Variants in ZMYM5 observed in about 807,000 individuals in gnomAD.
ZMYM5 encodes the protein zinc finger MYM-type protein 5.
ZMYM5 carries 41 observed loss-of-function variants against 61.8 expected under a neutral mutation model. The observed-to-expected ratio is 0.66, with a 90% CI of 0.52 to 0.86. The LOEUF (loss-of-function observed/expected upper bound fraction) is 0.86. ZMYM5 is among the 40% of genes least tolerant of loss of function. ZMYM5 has a pLI of 0.00. For missense variants in ZMYM5, 706 were observed against 786.7 expected (o/e 0.90, Z 1.23); for synonymous variants, 257 against 276.4 (o/e 0.93, Z 0.70).
At chr13:19,829,096 C>G (rs1001441847) in intron 7 of ZMYM5, among the ~76,000 whole-genome samples, 1 of 151,822 alleles carries the variant, frequency 6.6e-6, no homozygotes. Flanking sequence ...AGGGAGAGAC[C>G]CTGTCTCCAA....
rs199923552 is a variant in ZMYM5 at position 19,827,232 on chromosome 13, CA to C, written c.1252-1998del. 1.3e-3 allele frequency among the ~76,000 whole-genome samples: 196 copies of C among 152,236 alleles called. 2 individuals are homozygous for C. The East Asian group carries it at 0.031, about 24-fold the overall frequency. ...TAATGTGAAAGTCACTAAAATTTAACAGCAATTAACTTTAATGGTGAAATTT... is the reference window on the plus strand; with the variant it reads ...TAATGTGAAAGTCACTAAAATTTAACGCAATTAACTTTAATGGTGAAATTT... On this transcript the variant is annotated intron_variant, in intron 7 of 7. Coordinates refer to ENST00000337963, the MANE Select transcript of ZMYM5 (RefSeq NM_001142684.2).
Position 19,843,441 on chromosome 13 carries a change from T to C in ZMYM5, c.587-4456A>G, listed in dbSNP as rs1023098032. 7 of 151,208 alleles carry C rather than the reference T, an allele frequency of 4.6e-5. 1 individual carries two copies. The South Asian group carries it at 6.3e-4, about 14-fold the overall frequency. The allele number at this position is 151,208 out of a possible 1,614,324, so 9.4% of individuals were successfully genotyped here. ...TAGTTTCCATGAAAGAGCTTTTATT[T>C]ATATAAGATGGAATTCATGCTTATA... On this transcript the variant is annotated intron_variant, in intron 4 of 7. Transcript: ENST00000337963.
chr13:19,843,528 A>T (rs1305304326), intron 4 of ZMYM5: 1 of 152,080 alleles, frequency 6.6e-6, no homozygotes, highest in Non-Finnish European at 1.5e-5. Flanking sequence ...GTATTATAAA[A>T]CAAATAAAGA....
intron 4 of ZMYM5, among the ~76,000 whole-genome samples, chr13:19,847,585 A>G (rs1953120867): frequency 6.6e-6 from 1 of 152,104 alleles, no homozygotes; most frequent in Non-Finnish European, 1.5e-5. Flanking sequence ...TTTCATTACA[A>G]ATGTTATTTA....
intron 6 of ZMYM5, among the ~76,000 whole-genome samples, chr13:19,836,071 G>A (rs781142605): frequency 5.3e-5 from 8 of 152,098 alleles, no homozygotes; most frequent in Non-Finnish European, 8.8e-5. Context: ...TGATCTGCCC[G>A]CCTTGGCCTC....
At position 19,851,764 on chromosome 13, in the gene ZMYM5, G is replaced by A. The variant is rs146800619; in HGVS notation, c.417C>T (p.Ile139=). The change falls in exon 3 of 8, where the codon ATC becomes ATT. Residue 139 remains isoleucine, a synonymous_variant. Transcript: ENST00000337963. ...TTTTAGTTCCAGGAAGTCCCCATTC[G>A]ATAAAACAGGAAGACTTTTTCTCTG... The part of the protein sequence containing the change: ...GGAEKKSSCF[I]EWGLPGTKNK... The A allele has an allele frequency of 4.5e-5, 72 of 1,602,590 alleles. No homozygotes were observed. The highest frequency in any genetic ancestry group is 1.7e-4 in the Middle Eastern group (1 of 6,000).
At chr13:19,847,729 C>T (rs1267245422) in intron 4 of ZMYM5, among the ~76,000 whole-genome samples, 1 of 146,342 alleles carries the variant, frequency 6.8e-6, no homozygotes, top group Non-Finnish European at 1.5e-5. Flanking sequence ...TGCAACCTCC[C>T]GGGTTCAGGT....
chr13:19,852,194 T>C lies in ZMYM5; in HGVS notation c.-10-4A>G, dbSNP rs1335694778. 1.2e-5 allele frequency: 19 copies of C among 1,539,664 alleles called. No homozygotes were observed. Among genetic ancestry groups the C allele is most frequent in the Middle Eastern group, 1.7e-4 (1 of 5,798 alleles). Reference sequence around the variant, plus strand: ...ACATTTTTCCATGCCAATGAACCTGTAGAGACAGAAAAGAAAAAAAAAAGT... The same window carrying C: ...ACATTTTTCCATGCCAATGAACCTGCAGAGACAGAAAAGAAAAAAAAAAGT... On this transcript the variant is annotated splice_region_variant and splice_polypyrimidine_tract_variant and intron_variant, in intron 2 of 7. Coordinates refer to ENST00000337963, the MANE Select transcript of ZMYM5 (RefSeq NM_001142684.2).
At chr13:19,840,177 C>A (rs1387996953) in intron 4 of ZMYM5, among the ~76,000 whole-genome samples, 2 of 152,158 alleles carry the variant, frequency 1.3e-5, no homozygotes, top group African/African-American at 4.8e-5. Flanking sequence ...GTGGCTCATG[C>A]CTATAATCCC....
chr13:19,852,212 A>C, intron 2 of ZMYM5, 22 bp from the exon 3 acceptor site: 1 of 1,514,330 alleles, frequency 6.6e-7, no homozygotes, highest in Non-Finnish European at 8.8e-7. Flanking sequence ...GAAAAGAAAA[A>C]AAAAAGTTCT....
At chr13:19,832,396 G>C (rs530229074) in intron 7 of ZMYM5, among the ~76,000 whole-genome samples, 5 of 151,104 alleles carry the variant, frequency 3.3e-5, no homozygotes, top group Admixed American at 2.0e-4. Context: ...GCATGATCTC[G>C]GCCCACTGCA....
chr13:19,850,201 A>C (rs1246243728), intron 4 of ZMYM5, among the ~76,000 whole-genome samples: 1 of 152,200 alleles, frequency 6.6e-6, no homozygotes, highest in East Asian at 1.9e-4. Context: ...TAATTATATC[A>C]GAATAGGACT....
chr13:19,839,437 G>A (rs1952786648), intron 4 of ZMYM5, among the ~76,000 whole-genome samples: 1 of 151,348 alleles, frequency 6.6e-6, no homozygotes, highest in African/African-American at 2.4e-5. Flanking sequence ...CTCCCAGACC[G>A]GAGTGCAATG....
At chr13:19,854,137 G>A (rs1228397197) in intron 2 of ZMYM5, among the ~76,000 whole-genome samples, 3 of 152,096 alleles carry the variant, frequency 2.0e-5, no homozygotes, top group Non-Finnish European at 4.4e-5. Context: ...AGCCTCCCAA[G>A]TAGCTGGGAG....
intron 4 of ZMYM5, among the ~76,000 whole-genome samples, chr13:19,847,362 G>C (rs1258286010): frequency 2.0e-5 from 3 of 152,050 alleles, no homozygotes; most frequent in Non-Finnish European, 4.4e-5. Context: ...AAAAAGACGT[G>C]GAAAATAGTC....
At chr13:19,841,015 C>G (rs1353721987) in intron 4 of ZMYM5, among the ~76,000 whole-genome samples, 1 of 129,050 alleles carries the variant, frequency 7.7e-6, no homozygotes, top group African/African-American at 2.8e-5. Flanking sequence ...TTTTTTGAGA[C>G]AGAGTCTTGC....
intron 4 of ZMYM5, among the ~76,000 whole-genome samples, chr13:19,850,583 AAG>A (rs1468371792): frequency 6.6e-6 from 1 of 152,178 alleles, no homozygotes; most frequent in East Asian, 1.9e-4. Flanking sequence ...CCTGGGCAAA[AAG>A]AGCAAAACTC....
At chr13:19,849,967 ACT>A (rs1342581366) in intron 4 of ZMYM5, among the ~76,000 whole-genome samples, 1 of 149,416 alleles carries the variant, frequency 6.7e-6, no homozygotes, top group East Asian at 2.0e-4. Context: ...GGTGACAGAG[ACT>A]CTGTCTCAAA....
At chr13:19,831,014 T>C (rs1891185592) in intron 7 of ZMYM5, among the ~76,000 whole-genome samples, 2 of 151,816 alleles carry the variant, frequency 1.3e-5, no homozygotes, top group Non-Finnish European at 2.9e-5. Context: ...TAATTTTTTG[T>C]ATGTTTAGTA....
Sources: allele counts gnomAD v4.1 joint callset (sites outside exome capture counted in the v4.1 genomes callset), GRCh38; gene constraint gnomAD v4.1.1; transcripts MANE v1.5; gene names NCBI Gene and HGNC (gene_info 2026-07-23, HGNC 2026-07-21).